The following RSRC1 variants were observed in gnomAD, a reference collection of about 807,000 sequenced individuals.
The protein encoded by RSRC1 is serine/Arginine-related protein 53.
In RSRC1, 39 loss-of-function variants were observed where a neutral mutation model predicts 49.1. The observed-to-expected ratio is 0.79, with a 90% CI of 0.61 to 1.04. The LOEUF is 1.04. RSRC1 is among the 50% of genes least tolerant of loss of function. The pLI is 0.00. For missense variants in RSRC1, 388 were observed against 402.4 expected, an observed-to-expected ratio of 0.96 and a Z score of 0.31; for synonymous variants, 143 against 130.8, an observed-to-expected ratio of 1.09 and a Z score of -0.63.
intron 5 of RSRC1, among the ~76,000 whole-genome samples, chr3:158,311,133 T>C (rs1393631788): frequency 6.6e-6 from 1 of 151,898 alleles, no homozygotes; most frequent in East Asian, 1.9e-4. Context: ...TTCCCTATAC[T>C]GAACTACCAT....
chr3:158,361,805 G>A (rs1258998432), intron 6 of RSRC1, among the ~76,000 whole-genome samples: 2 of 151,934 alleles, frequency 1.3e-5, no homozygotes, highest in Non-Finnish European at 2.9e-5. Context: ...TTCTATAAAT[G>A]CCTTCTTTCT....
In RSRC1 at chr3:158,529,817, G is replaced by A. The variant is rs567256366; in HGVS notation, c.653-7275G>A. Among the ~76,000 whole-genome samples the A allele has an allele frequency of 8.2e-4, 124 of 152,062 alleles. No individual in the cohort carries two copies. In the Middle Eastern group the frequency reaches 0.017, roughly 21 times the overall value. On this transcript the variant is annotated intron_variant, in intron 7 of 9. Transcript: ENST00000611884. ...TCATTTTGGGTAGTTTGTGTTATAA[G>A]ACATCCATTAGGAAGTGACAAGATC...
chr3:158,190,935 G>A (rs1720207433), intron 3 of RSRC1, among the ~76,000 whole-genome samples: 1 of 151,804 alleles, frequency 6.6e-6, no homozygotes, highest in Non-Finnish European at 1.5e-5. Flanking sequence ...TATTTTATTA[G>A]AAATAGGGTC....
chr3:158,354,191 A>G (rs147975112), intron 5 of RSRC1, among the ~76,000 whole-genome samples: 222 of 151,988 alleles, frequency 1.5e-3, no homozygotes, highest in African/African-American at 4.8e-3. Flanking sequence ...GGGTTTCACC[A>G]TGTTGGCCAG....
chr3:158,276,292 A>C, intron 4 of RSRC1: 1 of 762,908 alleles, frequency 1.3e-6, no homozygotes, highest in Non-Finnish European at 2.4e-6. Context: ...TTATCAGGCC[A>C]GATGGGGTGG....
rs867922157 is a variant in RSRC1 at position 158,514,366 on chromosome 3, C to T, written c.653-22726C>T. Among the ~76,000 whole-genome samples the T allele has an allele frequency of 7.6e-4, 116 of 152,268 alleles. 2 individuals carry two copies. Among genetic ancestry groups the T allele is most frequent in the African/African-American group, 2.7e-3 (114 of 41,544 alleles). On this transcript the variant is annotated intron_variant, in intron 7 of 9. Transcript: ENST00000611884. Reference sequence around the variant, plus strand: ...AACATCTTTATTTCTGCCTTCATTTCGTTATGTACCCAGCAGTCATTCAGG... The same window carrying T: ...AACATCTTTATTTCTGCCTTCATTTTGTTATGTACCCAGCAGTCATTCAGG...
chr3:158,427,294 T>A (rs990407318), intron 6 of RSRC1, among the ~76,000 whole-genome samples: 1 of 151,766 alleles, frequency 6.6e-6, no homozygotes, highest in Admixed American at 6.6e-5. Context: ...AATGAAAACA[T>A]GTAGTGTGTT....
intron 6 of RSRC1, among the ~76,000 whole-genome samples, chr3:158,358,318 A>AT (rs557268171): frequency 1.3e-5 from 2 of 152,036 alleles, no homozygotes; most frequent in South Asian, 4.1e-4. Context: ...ATTTTGTGTA[A>AT]TTTTTTTGTA....
chr3:158,242,234 G>A (rs929994441), intron 4 of RSRC1, among the ~76,000 whole-genome samples: 20 of 151,800 alleles, frequency 1.3e-4, no homozygotes, highest in African/African-American at 4.8e-4. Flanking sequence ...CCCAGTTTGT[G>A]TTGTTTCCCA....
At chr3:158,264,282 G>C (rs549818953) in intron 4 of RSRC1, among the ~76,000 whole-genome samples, 1 of 152,050 alleles carries the variant, frequency 6.6e-6, no homozygotes, top group Non-Finnish European at 1.5e-5. Context: ...TTCTCCATGG[G>C]TTATTTAGAA....
At chr3:158,402,930 A>G (rs1464616318) in intron 6 of RSRC1, among the ~76,000 whole-genome samples, 2 of 151,900 alleles carry the variant, frequency 1.3e-5, no homozygotes, top group Non-Finnish European at 2.9e-5. Flanking sequence ...GCTGTCCAGC[A>G]GATACATTTA....
intron 6 of RSRC1, among the ~76,000 whole-genome samples, chr3:158,371,342 T>G (rs1732068244): frequency 1.3e-5 from 2 of 151,804 alleles, no homozygotes; most frequent in Admixed American, 6.6e-5. Context: ...AGAATCTAAT[T>G]GTAGAATAAT....
intron 7 of RSRC1, among the ~76,000 whole-genome samples, chr3:158,464,071 T>C (rs1232434175): frequency 6.6e-6 from 1 of 152,164 alleles, no homozygotes; most frequent in Non-Finnish European, 1.5e-5. Context: ...GTATTAAATC[T>C]TTCAGTTCTG....
intron 3 of RSRC1, among the ~76,000 whole-genome samples, chr3:158,199,816 G>A (rs1720925076): frequency 6.6e-6 from 1 of 152,010 alleles, no homozygotes. Flanking sequence ...ATATCTGGAG[G>A]TTTTCTGTAT....
chr3:158,282,633 AC>A (rs1726250310), intron 4 of RSRC1, among the ~76,000 whole-genome samples: 1 of 152,184 alleles, frequency 6.6e-6, no homozygotes. Flanking sequence ...GTCAGGAAGG[AC>A]TGTAAGTTTA....
At chr3:158,350,509 G>T (rs1177856489) in intron 5 of RSRC1, among the ~76,000 whole-genome samples, 1 of 152,158 alleles carries the variant, frequency 6.6e-6, no homozygotes, top group East Asian at 1.9e-4. Context: ...GAGACTAGAG[G>T]TTCAAGATCA....
At chr3:158,476,652 A>G (rs1030805874) in intron 7 of RSRC1, among the ~76,000 whole-genome samples, 6 of 152,208 alleles carry the variant, frequency 3.9e-5, no homozygotes, top group African/African-American at 1.4e-4. Flanking sequence ...GTTGAGGCAT[A>G]CTGCTCAGAA....
intron 6 of RSRC1, among the ~76,000 whole-genome samples, chr3:158,402,398 A>C (rs1476810619): frequency 6.6e-6 from 1 of 151,900 alleles, no homozygotes; most frequent in African/African-American, 2.4e-5. Flanking sequence ...GAGAGGAAGT[A>C]TAGGCACAGT....
At chr3:158,383,027 T>A (rs2108283230) in intron 6 of RSRC1, among the ~76,000 whole-genome samples, 1 of 152,316 alleles carries the variant, frequency 6.6e-6, no homozygotes, top group South Asian at 2.1e-4. Context: ...TAGAGTAAAT[T>A]ATTCAGAAAT....
Sources: allele counts gnomAD v4.1 joint callset (sites outside exome capture counted in the v4.1 genomes callset), GRCh38; gene constraint gnomAD v4.1.1; transcripts MANE v1.5; gene names NCBI Gene and HGNC (gene_info 2026-07-23, HGNC 2026-07-21).